XKR6: variants seen among roughly 807,000 people sequenced by gnomAD.
The protein encoded by XKR6 is XK related 6.
A neutral mutation model predicts 56.7 loss-of-function variants in XKR6; 22 were observed. That is an observed-to-expected ratio of 0.39 (90% confidence interval 0.28 to 0.55). The LOEUF (loss-of-function observed/expected upper bound fraction) is 0.55, where lower values mean the gene tolerates loss of function less well. Among genes scored for constraint, XKR6 ranks in the 20% least tolerant of loss-of-function variants. XKR6 has a pLI of 0.66. For synonymous variants in XKR6, 524 were observed against 387.8 expected (o/e 1.35, Z -4.13); for missense variants, 852 against 889.0 (o/e 0.96, Z 0.53).
intron 1 of XKR6, chr8:11,111,838 T>C (rs1798911878): frequency 6.6e-6 from 1 of 152,112 alleles, no homozygotes; most frequent in African/African-American, 2.4e-5. Context: ...GTCCAATATA[T>C]TGAACTTAGG....
chr8:11,146,788 T>C (rs1215393627), intron 1 of XKR6, among the ~76,000 whole-genome samples: 1 of 152,108 alleles, frequency 6.6e-6, no homozygotes, highest in African/African-American at 2.4e-5. Flanking sequence ...AAAACATTTG[T>C]TCTTAAAAAG....
intron 1 of XKR6, chr8:11,124,106 T>A (rs1586579014): frequency 2.4e-6 from 1 of 424,528 alleles, no homozygotes; most frequent in African/African-American, 2.0e-5. Context: ...ATATTTTTAC[T>A]TATTTACTTT....
chr8:11,063,319 GT>G (rs1218089732), intron 1 of XKR6, among the ~76,000 whole-genome samples: 6 of 150,048 alleles, frequency 4.0e-5, no homozygotes, highest in Non-Finnish European at 8.9e-5. Flanking sequence ...AGAACAAAAA[GT>G]AAAAAAAAAA....
chr8:10,909,378 C>A (rs1485178378), intron 2 of XKR6, among the ~76,000 whole-genome samples: 1 of 152,164 alleles, frequency 6.6e-6, no homozygotes, highest in Non-Finnish European at 1.5e-5. Flanking sequence ...GACTAAGATA[C>A]CCCTCAAGAC....
chr8:11,154,736 C>T (rs1363225845), intron 1 of XKR6, among the ~76,000 whole-genome samples: 4 of 152,110 alleles, frequency 2.6e-5, no homozygotes, highest in Non-Finnish European at 5.9e-5. Flanking sequence ...ACATGTAATC[C>T]TCCTTTTCTG....
At chr8:10,951,592 G>A (rs1443948939) in intron 1 of XKR6, among the ~76,000 whole-genome samples, 1 of 152,202 alleles carries the variant, frequency 6.6e-6, no homozygotes, top group Non-Finnish European at 1.5e-5. Context: ...CGGACTTCAG[G>A]GTCTTCACCT....
At chr8:11,188,801 C>T (rs774652744) in intron 1 of XKR6, among the ~76,000 whole-genome samples, 39 of 152,118 alleles carry the variant, frequency 2.6e-4, no homozygotes, top group African/African-American at 8.0e-4. Context: ...GTCCACAGAC[C>T]CCAGGCCCCA....
intron 1 of XKR6, chr8:11,126,060 G>GT (rs1211893012): frequency 3.6e-3 from 525 of 146,206 alleles, no homozygotes; most frequent in Middle Eastern, 7.0e-3. Flanking sequence ...GGTGGTTTTT[G>GT]TTTTTTTTTT....
chr8:10,977,347 C>T (rs1802597050), intron 1 of XKR6, among the ~76,000 whole-genome samples: 4 of 151,926 alleles, frequency 2.6e-5, no homozygotes, highest in Non-Finnish European at 5.9e-5. Context: ...CTCTGGTGGC[C>T]AACTGGAGAA....
At chr8:10,922,868 G>T (rs1800762365) in intron 2 of XKR6, among the ~76,000 whole-genome samples, 1 of 152,162 alleles carries the variant, frequency 6.6e-6, no homozygotes, top group Non-Finnish European at 1.5e-5. Context: ...CCTCCTCGAG[G>T]CCTCCTGCTT....
intron 1 of XKR6, among the ~76,000 whole-genome samples, chr8:11,011,316 G>A (rs980094746): frequency 6.6e-6 from 1 of 152,232 alleles, no homozygotes; most frequent in Non-Finnish European, 1.5e-5. Flanking sequence ...TCTTGGGGTG[G>A]CCAGCAAGGC....
In XKR6 at chr8:10,952,104, C is replaced by T. The variant is rs143634064; in HGVS notation, c.765-27274G>A. Reference sequence around the variant, plus strand: ...GCATGACCTCCTGCAGCCCTCCTGCCCCTCTCCAGGCTTTTTCAAAGCCCC... The same window carrying T: ...GCATGACCTCCTGCAGCCCTCCTGCTCCTCTCCAGGCTTTTTCAAAGCCCC... On this transcript the variant is annotated intron_variant, in intron 1 of 2. Coordinates refer to ENST00000416569, the MANE Select transcript of XKR6 (RefSeq NM_173683.4). Among the ~76,000 whole-genome samples the T allele has an allele frequency of 9.1e-3, 1,391 of 152,292 alleles. 22 individuals carry two copies. Among genetic ancestry groups the T allele is most frequent in the African/African-American group, 0.031 (1,280 of 41,544 alleles).
intron 1 of XKR6, among the ~76,000 whole-genome samples, chr8:11,058,375 G>T (rs546962274): frequency 6.6e-6 from 1 of 152,174 alleles, no homozygotes; most frequent in Admixed American, 6.5e-5. Context: ...ACATGCACAC[G>T]TATGTTTATT....
At position 10,897,480 on chromosome 8, in the gene XKR6, G is replaced by A. The variant is rs1481382925; in HGVS notation, c.*472C>T. 6.5e-6 allele frequency: 1 copy of A among 152,880 alleles called. No homozygotes were observed. The allele number at this position is 152,880 out of a possible 1,614,324, so 9.5% of individuals were successfully genotyped here. On this transcript the variant is annotated 3_prime_UTR_variant, in exon 3 of 3. Transcript: ENST00000416569. ...GTACTTAATGAAACTCAGCACCTAA[G>A]GGCATAAGGCAGTTGAAGGTTTTTT... is the stretch of plus-strand genomic sequence containing the variant.
In XKR6 at chr8:10,980,643, A is replaced by G. The variant is rs547228780; in HGVS notation, c.765-55813T>C. On this transcript the variant is annotated intron_variant, in intron 1 of 2. Coordinates refer to ENST00000416569, the MANE Select transcript of XKR6 (RefSeq NM_173683.4). Reference sequence around the variant, plus strand: ...ATCTATCCATGTTACACGGATCATGATTATGGATTATGATCTCTGTCTATC... The same window carrying G: ...ATCTATCCATGTTACACGGATCATGGTTATGGATTATGATCTCTGTCTATC... Among the ~76,000 whole-genome samples, 12 of 152,288 alleles carry G rather than the reference A, an allele frequency of 7.9e-5. 1 individual carries two copies. The South Asian group carries it at 2.5e-3, about 32-fold the overall frequency.
chr8:11,132,143 C>G (rs552613138), intron 1 of XKR6, among the ~76,000 whole-genome samples: 10 of 152,048 alleles, frequency 6.6e-5, no homozygotes, highest in Non-Finnish European at 1.2e-4. Context: ...GCATTCCTAA[C>G]AAGCTCCCAG....
chr8:11,137,748 C>T (rs1010704842), intron 1 of XKR6: 4 of 455,224 alleles, frequency 8.8e-6, no homozygotes, highest in African/African-American at 2.0e-5. Context: ...GGCTCTGAAT[C>T]GAATCCTGCT....
At chr8:11,074,705 CG>C (rs762693164) in intron 1 of XKR6, among the ~76,000 whole-genome samples, 1 of 152,128 alleles carries the variant, frequency 6.6e-6, no homozygotes, top group African/African-American at 2.4e-5. Context: ...GGCAGAGAGA[CG>C]GCGAAGTGGA....
intron 1 of XKR6, among the ~76,000 whole-genome samples, chr8:10,982,236 C>A (rs1563326640): frequency 1.3e-5 from 2 of 152,184 alleles, no homozygotes; most frequent in African/African-American, 4.8e-5. Context: ...GAGAACGGCA[C>A]TTTCTCTTTG....
Sources: allele counts gnomAD v4.1 joint callset (sites outside exome capture counted in the v4.1 genomes callset), GRCh38; gene constraint gnomAD v4.1.1; transcripts MANE v1.5; gene names NCBI Gene and HGNC (gene_info 2026-07-23, HGNC 2026-07-21).